XKR9: variants seen among roughly 807,000 people sequenced by gnomAD.
XKR9 encodes the protein XK related 9.
Under a neutral mutation model 32.0 loss-of-function variants are expected in XKR9, and 32 were observed. The observed-to-expected ratio is 1.00, with a 90% CI of 0.76 to 1.34. The LOEUF (loss-of-function observed/expected upper bound fraction) is 1.34, where lower values mean the gene tolerates loss of function less well. Ranked by LOEUF, XKR9 falls within the 40% of genes most tolerant of loss-of-function variation. The pLI is 0.00. For missense variants in XKR9, 546 were observed against 429.7 expected (o/e 1.27, Z -2.39); for synonymous variants, 168 against 143.4 (o/e 1.17, Z -1.22).
At chr8:70,875,936 A>G in the XKR9 span, among the ~76,000 whole-genome samples, 2 of 152,162 alleles carry the variant, frequency 1.3e-5, no homozygotes, top group Admixed American at 1.3e-4. Context: ...CCATAAATGT[A>G]GAGGAAAAAA....
At chr8:70,701,840 A>C (rs1232179815) in intron 3 of XKR9, among the ~76,000 whole-genome samples, 1 of 152,168 alleles carries the variant, frequency 6.6e-6, no homozygotes, top group African/African-American at 2.4e-5. Flanking sequence ...TTCATTTTCC[A>C]GAATATAAAT....
At chr8:70,873,050 G>C in the XKR9 span, among the ~76,000 whole-genome samples, 2 of 152,132 alleles carry the variant, frequency 1.3e-5, no homozygotes, top group Admixed American at 1.3e-4. Context: ...CTCTGCCTGT[G>C]CTCTAGAAAT....
intron 3 of XKR9, among the ~76,000 whole-genome samples, chr8:70,702,480 T>G (rs1805573584): frequency 6.6e-6 from 1 of 152,172 alleles, no homozygotes; most frequent in Non-Finnish European, 1.5e-5. Context: ...TCCTTATTGA[T>G]ATTTTTAAGG....
At chr8:71,022,556 G>A in the XKR9 span, among the ~76,000 whole-genome samples, 11 of 151,726 alleles carry the variant, frequency 7.2e-5, no homozygotes, top group Non-Finnish European at 1.5e-5. Flanking sequence ...TTCTCTCTTT[G>A]TCTTTGACTT....
chr8:71,018,321 G>A, the XKR9 span, among the ~76,000 whole-genome samples: 1 of 152,132 alleles, frequency 6.6e-6, no homozygotes, highest in African/African-American at 2.4e-5. Context: ...AAAAAACAAT[G>A]TTCAAATTTA....
At chr8:71,065,724 T>C in the XKR9 span, among the ~76,000 whole-genome samples, 49,205 of 152,148 alleles carry the variant, frequency 0.32, 9,297 homozygotes, top group Non-Finnish European at 0.44. Flanking sequence ...TGTGTGATCT[T>C]GTCTTGGGCA....
At position 70,778,348 on chromosome 8, in the gene XKR9, A is replaced by C. The variant is rs558742509; in HGVS notation, n.353-10991A>C. Among the ~76,000 whole-genome samples the C allele has an allele frequency of 5.3e-5, 8 of 152,264 alleles. No homozygotes were observed. In the South Asian group the frequency reaches 6.2e-4, roughly 12 times the overall value. ...AGTACCATGCTGTTTTGGTTACTGT[A>C]ACCTTGTATTGTAGTTTGAAGTCAG... On this transcript the variant is annotated intron_variant and non_coding_transcript_variant, in intron 2 of 3. Transcript: ENST00000520273.
the XKR9 span, among the ~76,000 whole-genome samples, chr8:70,914,943 A>T: frequency 6.6e-6 from 1 of 152,218 alleles, no homozygotes; most frequent in Non-Finnish European, 1.5e-5. Flanking sequence ...GCCATGCAGG[A>T]TAACTGGAGT....
At chr8:70,936,500 A>G in the XKR9 span, among the ~76,000 whole-genome samples, 9 of 152,078 alleles carry the variant, frequency 5.9e-5, no homozygotes, top group African/African-American at 2.2e-4. Flanking sequence ...GATGCAATAC[A>G]GTGATTGTAA....
chr8:70,916,886 T>G, the XKR9 span, among the ~76,000 whole-genome samples: 1 of 152,096 alleles, frequency 6.6e-6, no homozygotes, highest in Admixed American at 6.5e-5. Flanking sequence ...TTTTTACATC[T>G]TTCATGAGAT....
the XKR9 span, among the ~76,000 whole-genome samples, chr8:70,848,018 G>C: frequency 1.3e-5 from 2 of 152,010 alleles, no homozygotes; most frequent in East Asian, 3.8e-4. Flanking sequence ...CACAAAAAAA[G>C]AAAATTACAG....
intron 4 of XKR9, among the ~76,000 whole-genome samples, chr8:70,713,274 T>G (rs1338677844): frequency 1.3e-5 from 2 of 152,030 alleles, no homozygotes; most frequent in African/African-American, 2.4e-5. Flanking sequence ...ATGAGAGAGA[T>G]ATTAAGAGAC....
chr8:70,861,888 AT>A, the XKR9 span, among the ~76,000 whole-genome samples: 1 of 152,080 alleles, frequency 6.6e-6, no homozygotes, highest in Non-Finnish European at 1.5e-5. Context: ...AGGAAGTCAA[AT>A]TTTTGTAGTG....
chr8:70,923,003 A>G, the XKR9 span, among the ~76,000 whole-genome samples: 1 of 152,226 alleles, frequency 6.6e-6, no homozygotes, highest in Non-Finnish European at 1.5e-5. Context: ...AGCTGGTTCA[A>G]TTGTTTGCAC....
chr8:71,055,499 G>A, the XKR9 span, among the ~76,000 whole-genome samples: 1 of 152,218 alleles, frequency 6.6e-6, no homozygotes, highest in South Asian at 2.1e-4. Flanking sequence ...TGGGCTTCTA[G>A]GCATCAAGAG....
chr8:70,814,943 A>G, the XKR9 span, among the ~76,000 whole-genome samples: 3 of 152,210 alleles, frequency 2.0e-5, no homozygotes, highest in Admixed American at 6.5e-5. Flanking sequence ...ATTTCCATAC[A>G]TCAATAACAA....
chr8:70,813,993 C>T, the XKR9 span, among the ~76,000 whole-genome samples: 2 of 152,236 alleles, frequency 1.3e-5, no homozygotes, highest in Admixed American at 6.5e-5. Flanking sequence ...CACATGCATA[C>T]GTATGTTTAT....
intron 3 of XKR9, among the ~76,000 whole-genome samples, chr8:70,698,344 A>G (rs1043837955): frequency 2.6e-5 from 4 of 152,136 alleles, no homozygotes; most frequent in African/African-American, 9.7e-5. Flanking sequence ...TTCCCTCTAC[A>G]CACTGCTTTG....
chr8:70,739,069 G>A (rs537957714), downstream of XKR9, among the ~76,000 whole-genome samples: 41 of 122,710 alleles, frequency 3.3e-4, no homozygotes, highest in Non-Finnish European at 6.9e-4. Flanking sequence ...TGACAATGAG[G>A]TGTTAGTCTC....
Sources: allele counts gnomAD v4.1 joint callset (sites outside exome capture counted in the v4.1 genomes callset), GRCh38; gene constraint gnomAD v4.1.1; transcripts MANE v1.5; gene names NCBI Gene and HGNC (gene_info 2026-07-23, HGNC 2026-07-21).